SPTBN4: variants seen among roughly 807,000 people sequenced by gnomAD.
SPTBN4 encodes spectrin beta chain, non-erythrocytic 4.
Under a neutral mutation model 277.8 loss-of-function variants are expected in SPTBN4, and 96 were observed. The ratio of observed to expected loss-of-function variants is 0.35; its 90% CI spans 0.29 to 0.41. The LOEUF (loss-of-function observed/expected upper bound fraction) is 0.41. Among genes scored for constraint, SPTBN4 ranks in the 10% least tolerant of loss-of-function variants. The pLI, the probability that SPTBN4 is intolerant of heterozygous loss-of-function variation, is 1.00. For missense variants in SPTBN4, 3,006 were observed against 3,595.7 expected (o/e 0.84, Z 4.19); for synonymous variants, 1,481 against 1,580.3 (o/e 0.94, Z 1.49).
At chr19:40,566,936 A>AACAG (rs1241752785) in intron 30 of SPTBN4, 15 of 254,998 alleles carry the variant, frequency 5.9e-5, no homozygotes, top group Non-Finnish European at 1.1e-4. Flanking sequence ...CTGCCTGGGT[A>AACAG]ACAGAACAAG....
chr19:40,567,052 C>A (rs552456240), intron 30 of SPTBN4: 8 of 447,754 alleles, frequency 1.8e-5, no homozygotes, highest in South Asian at 1.3e-4. Flanking sequence ...GAAGCCTAGG[C>A]GGGAGGATCA....
intron 13 of SPTBN4, among the ~76,000 whole-genome samples, chr19:40,511,563 G>A (rs11670812): frequency 0.21 from 32,109 of 152,058 alleles, 3,925 homozygotes; most frequent in Non-Finnish European, 0.28. Flanking sequence ...CTGTTTTCTA[G>A]TCGCCAACTA....
Position 40,473,354 on chromosome 19 carries a change from GT to G in SPTBN4, c.169+584del, listed in dbSNP as rs61584591. ...CATGAGCCACTGCACCTGGCCTGGT[GT>G]TTTTTTTTTTTTTTTTTTTGAGACG... is the stretch of plus-strand genomic sequence containing the variant. On this transcript the variant is annotated intron_variant, in intron 2 of 35. Coordinates refer to ENST00000598249, the MANE Select transcript of SPTBN4 (RefSeq NM_020971.3). 3.4e-3 allele frequency among the ~76,000 whole-genome samples: 332 copies of G among 99,094 alleles called. 1 individual carries two copies. Among genetic ancestry groups the G allele is most frequent in the Middle Eastern group, 0.023 (3 of 128 alleles). The allele number at this position is 99,094 out of a possible 152,430, so 65.0% of individuals were successfully genotyped here. A position where few individuals can be genotyped will look rare whatever the true frequency, so the allele number is the denominator to read the frequency against.
At chr19:40,550,200 G>A (rs372474887) in intron 21 of SPTBN4, 38 bp from the exon 22 acceptor site, 202 of 1,572,994 alleles carry the variant, frequency 1.3e-4, no homozygotes, top group Non-Finnish European at 1.7e-4. Flanking sequence ...GTTCTTGGAT[G>A]CATTCTCCCC....
chr19:40,515,248 A>T lies in SPTBN4; in HGVS notation c.2766-63A>T. The stretch of plus-strand genomic sequence containing the variant: ...GAGAATTAGGAGTAGAACCAGTAGA[A>T]GGTATTTCATAAAACCAAGGTCCGC... On this transcript the variant is annotated intron_variant, in intron 14 of 35. Transcript: ENST00000598249. This position sits in a 1 kb window ranked among gnomAD's most constrained non-coding sequence, Gnocchi z 4.1. The T allele has an allele frequency of 6.4e-7, 1 of 1,567,364 alleles. No homozygotes were observed. The highest frequency in any genetic ancestry group is 8.6e-7 in the Non-Finnish European group (1 of 1,158,802).
At chr19:40,521,767 A>G (rs1476029373) in intron 16 of SPTBN4, among the ~76,000 whole-genome samples, 1 of 152,184 alleles carries the variant, frequency 6.6e-6, no homozygotes, top group Non-Finnish European at 1.5e-5. Context: ...CTGAATCATA[A>G]GATTACTAAA....
intron 17 of SPTBN4, among the ~76,000 whole-genome samples, chr19:40,525,671 T>C (rs1021343213): frequency 6.6e-6 from 1 of 152,214 alleles, no homozygotes; most frequent in Non-Finnish European, 1.5e-5. Context: ...GAGCCCGTGC[T>C]CTGTACGGAG....
rs575685809 is a variant in SPTBN4 at position 40,487,889 on chromosome 19, G to C, written c.321+41G>C. The C allele has an allele frequency of 2.0e-6, 3 of 1,536,634 alleles. 1 individual carries two copies. The South Asian group carries it at 3.7e-5, about 19-fold the overall frequency. On this transcript the variant is annotated intron_variant, in intron 3 of 35. Coordinates refer to ENST00000598249, the MANE Select transcript of SPTBN4 (RefSeq NM_020971.3). ...GGGCTGGGGCAGGGGTCCTCCCTGG[G>C]GTCTCAGGCTGGGGGTTGGGCTTCT... is the stretch of plus-strand genomic sequence containing the variant.
intron 16 of SPTBN4, among the ~76,000 whole-genome samples, chr19:40,520,854 G>C (rs909447765): frequency 2.0e-5 from 3 of 152,080 alleles, no homozygotes; most frequent in African/African-American, 7.2e-5. Context: ...ATGTTAGAAA[G>C]GGTGCCTGCC....
At chr19:40,534,471 A>C in intron 20 of SPTBN4, 128 bp downstream of exon 20, 2 of 1,272,854 alleles carry the variant, frequency 1.6e-6, no homozygotes, top group Non-Finnish European at 2.1e-6. Flanking sequence ...CTTGTAGAAG[A>C]TGAGAAAGGG....
At chr19:40,474,278 C>T (rs1297587000) in intron 2 of SPTBN4, among the ~76,000 whole-genome samples, 2 of 150,476 alleles carry the variant, frequency 1.3e-5, no homozygotes, top group Non-Finnish European at 1.5e-5. Flanking sequence ...CTGTAATACA[C>T]AGGAACCTTT....
intron 20 of SPTBN4, among the ~76,000 whole-genome samples, chr19:40,538,540 C>A (rs1420822985): frequency 6.6e-6 from 1 of 152,222 alleles, no homozygotes; most frequent in East Asian, 1.9e-4. Flanking sequence ...TTTGCCCGTG[C>A]AGTGACACAG....
chr19:40,496,824 G>A (rs1399280049), intron 6 of SPTBN4, among the ~76,000 whole-genome samples: 2 of 151,954 alleles, frequency 1.3e-5, no homozygotes, highest in Non-Finnish European at 2.9e-5. Context: ...TGTAATCCCT[G>A]CACTTTGGGA....
At chr19:40,532,976 T>C (rs1281498239) in intron 19 of SPTBN4, among the ~76,000 whole-genome samples, 2 of 152,214 alleles carry the variant, frequency 1.3e-5, no homozygotes, top group East Asian at 1.9e-4. Flanking sequence ...ATCTGTAAAG[T>C]GGCCAGCATC....
At position 40,502,298 on chromosome 19, in the gene SPTBN4, G is replaced by T. The variant is rs368494030; in HGVS notation, c.1068G>T (p.Thr356=). 1.2e-6 allele frequency: 2 copies of T among 1,613,340 alleles called. No individual in the cohort carries two copies. The highest frequency in any genetic ancestry group is 1.1e-5 in the South Asian group (1 of 91,082). Residue 356 remains threonine, a synonymous_variant, in exon 9 of 36, where the codon ACG becomes ACT. Coordinates refer to ENST00000598249, the MANE Select transcript of SPTBN4 (RefSeq NM_020971.3). This position sits in a 1 kb window ranked among gnomAD's most constrained non-coding sequence, Gnocchi z 4.9. ...QQLQAFTAYC[T]LEKPVKFQEK... is the part of the protein sequence containing the mutation. ...TCCAGGCTTTCACGGCCTATTGCAC[G>T]CTGGAGAAGCCTGTCAAGTGAGGCC...
intron 13 of SPTBN4, among the ~76,000 whole-genome samples, chr19:40,509,007 C>T (rs1266101057): frequency 6.6e-6 from 1 of 151,250 alleles, no homozygotes; most frequent in Non-Finnish European, 1.5e-5. Context: ...TTTTGTCCTA[C>T]TCCATCGTGG....
chr19:40,492,666 G>C (rs541021599), intron 4 of SPTBN4, among the ~76,000 whole-genome samples: 5 of 152,252 alleles, frequency 3.3e-5, no homozygotes, highest in African/African-American at 4.8e-5. Context: ...CAGCATGAAG[G>C]CCACCGCACT....
intron 25 of SPTBN4, among the ~76,000 whole-genome samples, 178 bp from the exon 26 acceptor site, chr19:40,556,845 T>G (rs923680737): frequency 5.9e-5 from 9 of 152,170 alleles, no homozygotes; most frequent in African/African-American, 2.2e-4. Context: ...GGAGAATTGC[T>G]TGAACTGGGG....
intron 2 of SPTBN4, among the ~76,000 whole-genome samples, chr19:40,486,304 A>T (rs1383930419): frequency 6.6e-6 from 1 of 152,066 alleles, no homozygotes; most frequent in Non-Finnish European, 1.5e-5. Flanking sequence ...GGGAAAAAAA[A>T]GGAGGGGTTG....
Sources: gnomAD v4.1 joint callset for allele counts (sites outside exome capture counted in the v4.1 genomes callset) on GRCh38, gnomAD v4.1.1 for gene constraint, Gnocchi (gnomAD v3.1) non-coding constraint, MANE v1.5 for transcripts, NCBI Gene and HGNC (gene_info 2026-07-23, HGNC 2026-07-21) for gene names.